The following ADAMTSL3 variants were observed in gnomAD, a reference collection of about 807,000 sequenced individuals.
ADAMTSL3 encodes the protein ADAMTS-like protein 3.
In ADAMTSL3, 128 loss-of-function variants were observed where a neutral mutation model predicts 201.7. The ratio of observed to expected loss-of-function variants is 0.63; its 90% CI spans 0.55 to 0.73. The LOEUF is 0.73. ADAMTSL3 is among the 30% of genes least tolerant of loss of function. The probability of loss-of-function intolerance (pLI) is 0.00; values close to 1 mark genes in which losing one functional copy is unlikely to be tolerated. For missense variants in ADAMTSL3, 1,990 were observed against 2,119.6 expected (o/e 0.94, Z 1.20); for synonymous variants, 738 against 748.4 (o/e 0.99, Z 0.23).
intron 13 of ADAMTSL3, among the ~76,000 whole-genome samples, chr15:83,897,019 C>T (rs2065628551): frequency 6.6e-6 from 1 of 152,102 alleles, no homozygotes; most frequent in African/African-American, 2.4e-5. Context: ...AAAACTGCCC[C>T]CATGATCCAA....
At chr15:84,031,707 C>T (rs375014819) in intron 28 of ADAMTSL3, among the ~76,000 whole-genome samples, 3 of 152,138 alleles carry the variant, frequency 2.0e-5, no homozygotes, top group Non-Finnish European at 2.9e-5. Context: ...ATTGAGAAAA[C>T]GGAGATACTT....
intron 19 of ADAMTSL3, among the ~76,000 whole-genome samples, chr15:83,948,326 A>G (rs967810007): frequency 1.3e-5 from 2 of 152,022 alleles, no homozygotes; most frequent in African/African-American, 4.8e-5. Context: ...TTTACACCAC[A>G]GAAACTGGCA....
intron 5 of ADAMTSL3, among the ~76,000 whole-genome samples, chr15:83,817,941 G>C (rs142866961): frequency 1.3e-5 from 2 of 152,076 alleles, no homozygotes; most frequent in Admixed American, 6.6e-5. Flanking sequence ...CCAGCTACTC[G>C]AGAGGCTGAG....
intron 6 of ADAMTSL3, among the ~76,000 whole-genome samples, chr15:83,830,394 C>T (rs1381176411): frequency 6.6e-6 from 1 of 152,088 alleles, no homozygotes; most frequent in Non-Finnish European, 1.5e-5. Context: ...CTGATGGGGA[C>T]TGAACAGAAT....
rs754906860 is a variant in ADAMTSL3, at chr15:83,890,078, A to T, written c.1073-31A>T. ...GCCAAGTAAAAATGAAACGGATGCA[A>T]TATTCAGACTTGCCTTTTCTAACAC... On this transcript the variant is annotated intron_variant, in intron 10 of 29. Transcript: ENST00000286744. 5 of 1,583,396 alleles carry T rather than the reference A, an allele frequency of 3.2e-6. No individual in the cohort carries two copies. In the African/African-American group the frequency reaches 6.8e-5, roughly 21 times the overall value.
At chr15:83,678,115 A>C (rs907878127) in intron 2 of ADAMTSL3, among the ~76,000 whole-genome samples, 1 of 151,984 alleles carries the variant, frequency 6.6e-6, no homozygotes, top group Non-Finnish European at 1.5e-5. Context: ...ATATGTCCTC[A>C]ATATAGTTTG....
chr15:83,688,037 A>G (rs1270866208), intron 2 of ADAMTSL3, among the ~76,000 whole-genome samples: 1 of 152,246 alleles, frequency 6.6e-6, no homozygotes, highest in Non-Finnish European at 1.5e-5. Flanking sequence ...CTTGGAGAAC[A>G]GTTTTAGAAG....
intron 4 of ADAMTSL3, among the ~76,000 whole-genome samples, chr15:83,784,361 A>G (rs559051760): frequency 1.3e-3 from 193 of 152,296 alleles, no homozygotes; most frequent in African/African-American, 4.5e-3. Flanking sequence ...TTTACTTCAA[A>G]GGCAGACTTC....
chr15:83,860,906 C>A (rs1369687029), intron 8 of ADAMTSL3, among the ~76,000 whole-genome samples: 1 of 152,184 alleles, frequency 6.6e-6, no homozygotes, highest in Non-Finnish European at 1.5e-5. Flanking sequence ...TCAGGGAATT[C>A]CCTTTCCTAG....
intron 15 of ADAMTSL3, among the ~76,000 whole-genome samples, chr15:83,906,423 A>G (rs1387199415): frequency 6.6e-6 from 1 of 152,092 alleles, no homozygotes; most frequent in African/African-American, 2.4e-5. Context: ...TCCCCTGAGT[A>G]TTTTATACCT....
At chr15:83,989,293 T>A (rs1482783303) in intron 22 of ADAMTSL3, among the ~76,000 whole-genome samples, 6 of 152,222 alleles carry the variant, frequency 3.9e-5, no homozygotes. Flanking sequence ...CCCTAGAAGT[T>A]CTGGCTTAGT....
intron 20 of ADAMTSL3, among the ~76,000 whole-genome samples, chr15:83,971,842 T>C (rs1430929538): frequency 6.7e-6 from 1 of 149,162 alleles, no homozygotes; most frequent in Non-Finnish European, 1.5e-5. Flanking sequence ...AATGAACTAT[T>C]CTTATTTTAA....
chr15:83,828,790 G>T (rs2064084103), intron 6 of ADAMTSL3, among the ~76,000 whole-genome samples: 1 of 152,232 alleles, frequency 6.6e-6, no homozygotes, highest in African/African-American at 2.4e-5. Context: ...TAATCATATG[G>T]TTTTTGTCTT....
At chr15:83,960,294 T>G (rs1214255894) in intron 19 of ADAMTSL3, among the ~76,000 whole-genome samples, 2 of 152,198 alleles carry the variant, frequency 1.3e-5, no homozygotes, top group Admixed American at 1.3e-4. Context: ...CAATGAACAA[T>G]GAAATGGCCA....
In ADAMTSL3 at chr15:83,885,201, C is replaced by T. The variant is rs138562816; in HGVS notation, c.1061C>T (p.Thr354Met). ...RQTDFFPCTV[T>M]CGGGYQLNSA... is the part of the protein sequence containing the mutation. ...ACTGACTTCTTTCCCTGCACTGTGA[C>T]GTGTGGAGGAGGTGAGGCCCAGGCT... is the stretch of plus-strand genomic sequence containing the variant. The change falls in exon 10 of 30, where the codon ACG becomes ATG. Residue 354 changes from threonine to methionine, a missense_variant. Physicochemically the swap from Thr to Met is moderately conservative, Grantham distance 81. Coordinates refer to ENST00000286744, the MANE Select transcript of ADAMTSL3 (RefSeq NM_207517.3). 44 of 1,612,002 alleles carry T rather than the reference C, an allele frequency of 2.7e-5. No homozygotes were observed. The highest frequency in any genetic ancestry group is 3.6e-5 in the Non-Finnish European group (43 of 1,178,342).
At chr15:83,895,077 C>T (rs1345980967) in intron 13 of ADAMTSL3, among the ~76,000 whole-genome samples, 1 of 152,056 alleles carries the variant, frequency 6.6e-6, no homozygotes, top group Admixed American at 6.6e-5. Context: ...AAAGCTTGTT[C>T]ACATAAATCA....
At chr15:83,943,898 G>A (rs2066608709) in intron 19 of ADAMTSL3, among the ~76,000 whole-genome samples, 1 of 152,042 alleles carries the variant, frequency 6.6e-6, no homozygotes, top group African/African-American at 2.4e-5. Context: ...TTATTCACAG[G>A]GAATACAGTC....
chr15:83,742,851 A>G (rs758480252), intron 3 of ADAMTSL3, among the ~76,000 whole-genome samples: 4 of 152,120 alleles, frequency 2.6e-5, no homozygotes, highest in Non-Finnish European at 4.4e-5. Context: ...CAGCTTGGAA[A>G]AGTTTCTCAC....
At position 83,899,648 on chromosome 15, in the gene ADAMTSL3, A is replaced by G. The variant is rs745766157; in HGVS notation, c.1617A>G (p.Glu539=). ...VIPIPCYKPK[E]KSPVEAKLPW... ...TTGTTTATGTTCTCTTTTTCTTAGAAAAAAGTCCAGTGGAAGCAAAATTGC... is the reference window on the plus strand; with the variant it reads ...TTGTTTATGTTCTCTTTTTCTTAGAGAAAAGTCCAGTGGAAGCAAAATTGC... The change falls in exon 15 of 30, where the codon GAA becomes GAG. Residue 539 remains glutamate (E), a splice_region_variant and synonymous_variant. Transcript: ENST00000286744. 1 of 1,610,724 alleles carries G rather than the reference A, an allele frequency of 6.2e-7. No individual in the cohort carries two copies. The highest frequency in any genetic ancestry group is 1.1e-5 in the South Asian group (1 of 90,658).
Sources: allele counts gnomAD v4.1 joint callset (sites outside exome capture counted in the v4.1 genomes callset), GRCh38; gene constraint gnomAD v4.1.1; transcripts MANE v1.5; gene names NCBI Gene and HGNC (gene_info 2026-07-23, HGNC 2026-07-21).